Variants in ATM observed in about 807,000 individuals in gnomAD.
ATM encodes ATM serine/threonine kinase.
Under a neutral mutation model 387.0 loss-of-function variants are expected in ATM, and 308 were observed. The observed-to-expected ratio is 0.80, with a 90% CI of 0.73 to 0.87. ATM has a LOEUF of 0.87. ATM is among the 40% of genes least tolerant of loss of function. The pLI, the probability that ATM is intolerant of heterozygous loss-of-function variation, is 0.00. For synonymous variants in ATM, 1,156 were observed against 1,187.3 expected, an observed-to-expected ratio of 0.97 and a Z score of 0.54; for missense variants, 3,312 against 3,560.9, an observed-to-expected ratio of 0.93 and a Z score of 1.78.
chr11:108,284,395 C>T lies in ATM; in HGVS notation c.3915C>T (p.Asp1305=), dbSNP rs1429663437. 1 of 1,613,914 alleles carries T rather than the reference C, an allele frequency of 6.2e-7. No homozygotes were observed. Among genetic ancestry groups the T allele is most frequent in the Non-Finnish European group, 8.5e-7 (1 of 1,179,910 alleles). ...LPYFAYEGTR[D]SGMAQQRETA... ...ATTTTGCCTATGAGGGTACCAGAGA[C>T]AGTGGGATGGCACAGCAAAGAGAGA... Residue 1305 remains aspartate (D), a synonymous_variant, in exon 26 of 63, where the codon GAC becomes GAT. Coordinates refer to ENST00000675843, the MANE Select transcript of ATM (RefSeq NM_000051.4).
intron 61 of ATM, among the ~76,000 whole-genome samples, chr11:108,357,436 A>G (rs1183493092): frequency 1.5e-4 from 23 of 151,476 alleles, no homozygotes; most frequent in East Asian, 1.2e-3. Context: ...ACTGGGTGGA[A>G]CCCACCACAG....
intron 1 of ATM, 21 bp downstream of exon 1, chr11:108,223,207 C>A (rs1254664751): frequency 6.1e-6 from 1 of 163,436 alleles, no homozygotes; most frequent in East Asian, 1.8e-4. Flanking sequence ...GGAGGCAACG[C>A]AGCGGCTTCT....
intron 49 of ATM, 200 bp downstream of exon 49, chr11:108,329,438 ACT>A: frequency 1.7e-6 from 1 of 573,304 alleles, no homozygotes; most frequent in Non-Finnish European, 3.1e-6. Context: ...ACAAGGTCTC[ACT>A]CTGTCACCCA....
Position 108,289,733 on chromosome 11 carries a change from C to A in ATM, c.4368C>A (p.Gly1456=). ...VSLLLKDIKS[G]LGGAWAFVLR... is the part of the protein sequence containing the mutation. ...TATTACTGAAAGATATAAAAAGTGG[C>A]TTAGGAGGAGCTTGGGCCTTTGTTC... is the stretch of plus-strand genomic sequence containing the variant. The change falls in exon 29 of 63, where the codon GGC becomes GGA. Residue 1456 remains glycine, a synonymous_variant. Coordinates refer to ENST00000675843, the MANE Select transcript of ATM (RefSeq NM_000051.4). The A allele has an allele frequency of 6.2e-7, 1 of 1,613,706 alleles. No individual in the cohort carries two copies.
intron 56 of ATM, among the ~76,000 whole-genome samples, chr11:108,342,583 A>G (rs1173677332): frequency 6.6e-6 from 1 of 152,212 alleles, no homozygotes; most frequent in African/African-American, 2.4e-5. Context: ...GGGGAGCTTC[A>G]TCTCTTCCCC....
chr11:108,253,647 A>G (rs979340138), intron 12 of ATM, among the ~76,000 whole-genome samples, 167 bp from the exon 13 acceptor site: 3 of 152,162 alleles, frequency 2.0e-5, no homozygotes, highest in African/African-American at 7.2e-5. Flanking sequence ...TAGGTCTCAA[A>G]GTCCGAAGAA....
intron 55 of ATM, 146 bp downstream of exon 55, chr11:108,335,255 T>C: frequency 1.3e-6 from 2 of 1,534,500 alleles, no homozygotes; most frequent in Non-Finnish European, 1.7e-6. Context: ...AATGCATTAT[T>C]TTCTAGAACC....
intron 9 of ATM, among the ~76,000 whole-genome samples, chr11:108,250,000 C>G (rs2080046592): frequency 6.6e-6 from 1 of 152,048 alleles, no homozygotes; most frequent in Non-Finnish European, 1.5e-5. Context: ...AGAGAATACA[C>G]AGCAAATGTT....
intron 4 of ATM, 24 bp from the exon 5 acceptor site, chr11:108,235,646 C>G: frequency 6.4e-7 from 1 of 1,570,864 alleles, no homozygotes; most frequent in Non-Finnish European, 8.7e-7. Context: ...TTATGTTTTT[C>G]TTTATTTGTT....
chr11:108,268,664 A>G (rs2135528768), intron 18 of ATM, 55 bp downstream of exon 18: 2 of 1,543,882 alleles, frequency 1.3e-6, no homozygotes, highest in African/African-American at 2.7e-5. Flanking sequence ...TGCTGACTAA[A>G]TGTAATGAGT....
intron 39 of ATM, among the ~76,000 whole-genome samples, chr11:108,310,704 T>TA: frequency 6.6e-6 from 1 of 152,262 alleles, no homozygotes; most frequent in African/African-American, 2.4e-5. Context: ...TCTAAACTAT[T>TA]CAAGATTCAT....
chr11:108,259,099 A>G (rs2080704072), intron 16 of ATM, 24 bp downstream of exon 16: 7 of 1,586,290 alleles, frequency 4.4e-6, no homozygotes, highest in Non-Finnish European at 6.0e-6. Context: ...CTGTTTTGCT[A>G]TCATATTTTG....
At chr11:108,277,309 G>C (rs1483353606) in intron 22 of ATM, among the ~76,000 whole-genome samples, 5 of 152,178 alleles carry the variant, frequency 3.3e-5, no homozygotes, top group Non-Finnish European at 7.3e-5. Flanking sequence ...GTCTCCATGG[G>C]GGTGGGATCC....
rs55719759 is a variant in ATM at position 108,272,717 on chromosome 11, C to G, written c.3154-5C>G. ...TCATATTTAACCACAGTTCTTTTCCCGTAGGCTGATCCTTATTCAAAATGG... is the reference window on the plus strand; with the variant it reads ...TCATATTTAACCACAGTTCTTTTCCGGTAGGCTGATCCTTATTCAAAATGG... On this transcript the variant is annotated splice_region_variant and splice_polypyrimidine_tract_variant and intron_variant, in intron 21 of 62. Coordinates refer to ENST00000675843, the MANE Select transcript of ATM (RefSeq NM_000051.4). 1 of 1,613,764 alleles carries G rather than the reference C, an allele frequency of 6.2e-7. No individual in the cohort carries two copies. Among genetic ancestry groups the G allele is most frequent in the South Asian group, 1.1e-5 (1 of 91,054 alleles).
chr11:108,223,787 G>A (rs2078604452), intron 1 of ATM: 3 of 152,222 alleles, frequency 2.0e-5, no homozygotes, highest in African/African-American at 7.2e-5. Context: ...CTCAGCCTGA[G>A]ACTATCAATT....
intron 16 of ATM, among the ~76,000 whole-genome samples, chr11:108,263,753 A>G (rs1175872070): frequency 1.7e-4 from 25 of 147,356 alleles, no homozygotes; most frequent in African/African-American, 6.1e-4. Context: ...TAAAGAAAAA[A>G]AGAGAGAAGA....
At position 108,289,000 on chromosome 11, in the gene ATM, C is replaced by T. The variant is rs750771205; in HGVS notation, c.4133C>T (p.Pro1378Leu). The change falls in exon 28 of 63, where the codon CCA (proline) becomes CTA (leucine). Residue 1378 changes from proline (P) to leucine (L), a missense_variant. This residue lies in a region of ATM where 1,791 missense variants were observed against 1,804.5 expected (regional missense o/e 0.99). Coordinates refer to ENST00000675843, the MANE Select transcript of ATM (RefSeq NM_000051.4). The stretch of plus-strand genomic sequence containing the variant: ...AGGGATTTGGATCCTGCTCCTAATC[C>T]ACCTCATTTTCCATCGCATGTGATT... ...FSGDLDPAPNPPHFPSHVIKA... is the reference protein window; with the variant it reads ...FSGDLDPAPNLPHFPSHVIKA... 8 of 1,613,384 alleles carry T rather than the reference C, an allele frequency of 5.0e-6. No individual in the cohort carries two copies. The highest frequency in any genetic ancestry group is 1.7e-5 in the Admixed American group (1 of 59,978).
At position 108,304,805 on chromosome 11, in the gene ATM, A is replaced by G. The variant is rs967371351; in HGVS notation, c.5627A>G (p.His1876Arg). ...VQGFFTSCLR[H>R]FSQTSRSTTP... ...GGATTTTTCACCAGCTGTCTTCGACACTTCTCGCAAACGAGCCGATCCACA... is the reference window on the plus strand; with the variant it reads ...GGATTTTTCACCAGCTGTCTTCGACGCTTCTCGCAAACGAGCCGATCCACA... The change falls in exon 37 of 63, where the codon CAC becomes CGC. Residue 1876 changes from histidine to arginine, a missense_variant. Transcript: ENST00000675843. The G allele has an allele frequency of 1.2e-6, 2 of 1,613,436 alleles. No homozygotes were observed. Among genetic ancestry groups the G allele is most frequent in the South Asian group, 1.1e-5 (1 of 91,084 alleles).
intron 16 of ATM, among the ~76,000 whole-genome samples, chr11:108,266,036 G>A (rs2081215041): frequency 6.6e-6 from 1 of 151,926 alleles, no homozygotes; most frequent in Admixed American, 6.6e-5. Flanking sequence ...ACTGTTGGTG[G>A]GACTGTAAAC....
Sources: gnomAD v4.1 joint callset for allele counts (sites outside exome capture counted in the v4.1 genomes callset) on GRCh38, gnomAD v4.1.1 for gene constraint, gnomAD v4.1.1 regional missense constraint, MANE v1.5 for transcripts, NCBI Gene and HGNC (gene_info 2026-07-23, HGNC 2026-07-21) for gene names.